Variants in SH3GL3 observed in about 807,000 individuals in gnomAD.
The protein encoded by SH3GL3 is endophilin-A3.
SH3GL3 carries 33 observed loss-of-function variants against 47.7 expected under a neutral mutation model. The observed-to-expected ratio is 0.69, with a 90% CI of 0.52 to 0.92. The LOEUF (loss-of-function observed/expected upper bound fraction) is 0.92, where lower values mean the gene tolerates loss of function less well. Among genes scored for constraint, SH3GL3 ranks in the 40% least tolerant of loss-of-function variants. The probability of loss-of-function intolerance (pLI) is 0.00; values close to 1 mark genes in which losing one functional copy is unlikely to be tolerated. For missense variants in SH3GL3, 363 were observed against 417.8 expected (o/e 0.87, Z 1.14); for synonymous variants, 155 against 148.8 (o/e 1.04, Z -0.30).
At chr15:83,474,515 C>CTT (rs902602041) in intron 1 of SH3GL3, among the ~76,000 whole-genome samples, 3 of 146,696 alleles carry the variant, frequency 2.0e-5, no homozygotes, top group African/African-American at 7.5e-5. Context: ...ATGGCTGGCA[C>CTT]TTTTTTTTTT....
chr15:83,477,190 T>C (rs1463383433), intron 1 of SH3GL3, among the ~76,000 whole-genome samples: 3 of 152,212 alleles, frequency 2.0e-5, no homozygotes, highest in Non-Finnish European at 4.4e-5. Context: ...GAAGCATTTT[T>C]GGGTTGCAGG....
intron 1 of SH3GL3, among the ~76,000 whole-genome samples, chr15:83,531,791 A>C (rs1387066710): frequency 1.3e-5 from 2 of 151,936 alleles, no homozygotes; most frequent in Non-Finnish European, 2.9e-5. Context: ...GAATCAAGAG[A>C]TGTTTGGGAT....
chr15:83,490,982 A>G (rs561629206), intron 1 of SH3GL3: 2 of 1,598,564 alleles, frequency 1.3e-6, no homozygotes, highest in African/African-American at 1.3e-5. Context: ...TCAGCACAGA[A>G]GCACTGAAAG....
chr15:83,541,815 G>C (rs1438228891), intron 1 of SH3GL3, among the ~76,000 whole-genome samples: 1 of 152,010 alleles, frequency 6.6e-6, no homozygotes, highest in Non-Finnish European at 1.5e-5. Context: ...TTTATTATTA[G>C]ATTCTTTTTC....
chr15:83,585,800 C>T (rs2059939327), intron 6 of SH3GL3, among the ~76,000 whole-genome samples: 1 of 152,122 alleles, frequency 6.6e-6, no homozygotes, highest in Non-Finnish European at 1.5e-5. Context: ...CAGCTTGGCA[C>T]ACATGGAATT....
At chr15:83,518,500 CA>C (rs1421475636) in intron 1 of SH3GL3, among the ~76,000 whole-genome samples, 1 of 152,144 alleles carries the variant, frequency 6.6e-6, no homozygotes, top group Non-Finnish European at 1.5e-5. Flanking sequence ...AGATGTGGAG[CA>C]TTTTTTTTGC....
At chr15:83,467,235 G>C (rs1004246263) in intron 1 of SH3GL3, among the ~76,000 whole-genome samples, 5 of 152,192 alleles carry the variant, frequency 3.3e-5, no homozygotes, top group Admixed American at 2.6e-4. Flanking sequence ...GTGAGACTTA[G>C]GTTGTTTTCT....
chr15:83,578,657 ATTT>A (rs11289922), intron 6 of SH3GL3, among the ~76,000 whole-genome samples: 48 of 148,640 alleles, frequency 3.2e-4, no homozygotes, highest in Middle Eastern at 6.8e-3. Flanking sequence ...TCTTCTTTTA[ATTT>A]TTTTTTTTTT....
chr15:83,505,295 A>G (rs1176031437), intron 1 of SH3GL3, among the ~76,000 whole-genome samples: 2 of 152,086 alleles, frequency 1.3e-5, no homozygotes, highest in East Asian at 3.9e-4. Context: ...TAACATTACT[A>G]GATAATGGCC....
At chr15:83,518,543 A>G (rs2043084482) in intron 1 of SH3GL3, among the ~76,000 whole-genome samples, 1 of 152,098 alleles carries the variant, frequency 6.6e-6, no homozygotes, top group Admixed American at 6.6e-5. Flanking sequence ...TCTTCTTTTG[A>G]AAAGTGTTTA....
intron 1 of SH3GL3, among the ~76,000 whole-genome samples, chr15:83,494,510 G>C (rs1351979898): frequency 6.6e-6 from 1 of 151,426 alleles, no homozygotes; most frequent in Non-Finnish European, 1.5e-5. Context: ...TCATGGTTAA[G>C]TTTTAAAACC....
chr15:83,487,602 A>G (rs1229658327), intron 1 of SH3GL3, among the ~76,000 whole-genome samples: 1 of 152,090 alleles, frequency 6.6e-6, no homozygotes, highest in Non-Finnish European at 1.5e-5. Context: ...TTCTGGTCAT[A>G]GGCATCAGAC....
At chr15:83,573,815 T>C (rs951305719) in intron 5 of SH3GL3, among the ~76,000 whole-genome samples, 1 of 152,158 alleles carries the variant, frequency 6.6e-6, no homozygotes, top group African/African-American at 2.4e-5. Flanking sequence ...GCTACAGTGG[T>C]GGTGGGCACT....
chr15:83,566,848 C>G (rs1448307461), intron 3 of SH3GL3, among the ~76,000 whole-genome samples: 1 of 152,346 alleles, frequency 6.6e-6, no homozygotes, highest in Non-Finnish European at 1.5e-5. Flanking sequence ...GGGAATGTCA[C>G]TACTCACAGT....
At chr15:83,604,739 T>C (rs2060471651) in intron 8 of SH3GL3, among the ~76,000 whole-genome samples, 1 of 152,128 alleles carries the variant, frequency 6.6e-6, no homozygotes, top group Non-Finnish European at 1.5e-5. Context: ...TACAGATGAG[T>C]AAGTAGAGGC....
intron 8 of SH3GL3, among the ~76,000 whole-genome samples, chr15:83,603,326 T>A (rs1339123025): frequency 2.0e-5 from 3 of 152,226 alleles, no homozygotes; most frequent in Non-Finnish European, 4.4e-5. Context: ...CTGATCTATA[T>A]ACCTCCAGGC....
At chr15:83,560,850 A>G (rs913827374) in intron 2 of SH3GL3, among the ~76,000 whole-genome samples, 1 of 152,188 alleles carries the variant, frequency 6.6e-6, no homozygotes, top group African/African-American at 2.4e-5. Context: ...CAATAGTAAA[A>G]TCAAAATAAA....
intron 1 of SH3GL3, among the ~76,000 whole-genome samples, chr15:83,536,385 T>TTTTTCTTTTCTTTTC (rs551702646): frequency 4.4e-5 from 6 of 135,642 alleles, no homozygotes; most frequent in African/African-American, 1.7e-4. Flanking sequence ...TGCCTTTTTC[T>TTTTTCTTTTCTTTTC]TTTTCTTTTC....
chr15:83,491,306 T>C (rs1476047958), intron 1 of SH3GL3, among the ~76,000 whole-genome samples: 2 of 152,194 alleles, frequency 1.3e-5, no homozygotes, highest in Non-Finnish European at 2.9e-5. Flanking sequence ...CTTTCCTAAA[T>C]ACCAATGGCT....
Sources: allele counts gnomAD v4.1 joint callset (sites outside exome capture counted in the v4.1 genomes callset), GRCh38; gene constraint gnomAD v4.1.1; transcripts MANE v1.5; gene names NCBI Gene and HGNC (gene_info 2026-07-23, HGNC 2026-07-21).